MAP3K7: variants seen among roughly 807,000 people sequenced by gnomAD.
MAP3K7 encodes mitogen-activated protein kinase kinase kinase 7.
A neutral mutation model predicts 84.8 loss-of-function variants in MAP3K7; 21 were observed. That is an observed-to-expected ratio of 0.25 (90% CI 0.18 to 0.36). The LOEUF (loss-of-function observed/expected upper bound fraction) is 0.36. Ranked by LOEUF, MAP3K7 falls within the 10% of genes least tolerant of loss-of-function variation. The probability of loss-of-function intolerance (pLI) is 1.00; values close to 1 mark genes in which losing one functional copy is unlikely to be tolerated. For synonymous variants in MAP3K7, 241 were observed against 247.7 expected (o/e 0.97, Z 0.25); for missense variants, 503 against 747.7 (o/e 0.67, Z 3.82).
chr6:90,562,760 C>T (rs529252836), intron 3 of MAP3K7, among the ~76,000 whole-genome samples: 4 of 152,312 alleles, frequency 2.6e-5, no homozygotes, highest in East Asian at 1.9e-4. Context: ...GATCTGAGAA[C>T]GGACAGACTG....
At chr6:90,533,106 C>T (rs983121736) in intron 13 of MAP3K7, among the ~76,000 whole-genome samples, 4 of 152,188 alleles carry the variant, frequency 2.6e-5, no homozygotes, top group African/African-American at 9.7e-5. Flanking sequence ...CTTCACAGGA[C>T]TAAGATCCTG....
chr6:90,541,566 G>GT (rs1775856535), intron 12 of MAP3K7, among the ~76,000 whole-genome samples: 1 of 152,118 alleles, frequency 6.6e-6, no homozygotes, highest in Admixed American at 6.6e-5. Flanking sequence ...CCGTACAAAA[G>GT]TTTGTCAGTT....
At chr6:90,522,445 C>T (rs1019854288) in intron 14 of MAP3K7, among the ~76,000 whole-genome samples, 1 of 152,070 alleles carries the variant, frequency 6.6e-6, no homozygotes, top group Admixed American at 6.6e-5. Flanking sequence ...TACTCCCTTG[C>T]CAGGGGGTTC....
chr6:90,537,347 C>A (rs1377443020), intron 12 of MAP3K7: 2 of 152,000 alleles, frequency 1.3e-5, no homozygotes, highest in Non-Finnish European at 2.9e-5. Flanking sequence ...ATTGTAGTTT[C>A]CCGATTAGTA....
intron 13 of MAP3K7, among the ~76,000 whole-genome samples, chr6:90,525,068 C>A (rs1006053995): frequency 2.0e-5 from 3 of 151,324 alleles, no homozygotes; most frequent in Non-Finnish European, 4.4e-5. Context: ...TTATCAGTAA[C>A]CACAATAAAT....
intron 14 of MAP3K7, among the ~76,000 whole-genome samples, chr6:90,520,163 A>T (rs1424976437): frequency 1.3e-5 from 2 of 152,052 alleles, no homozygotes; most frequent in Non-Finnish European, 2.9e-5. Context: ...TTTCTACTTC[A>T]GAAGTAGTTG....
chr6:90,552,311 T>C (rs1776207758), intron 7 of MAP3K7, 132 bp from the exon 8 acceptor site: 1 of 800,082 alleles, frequency 1.2e-6, no homozygotes. Context: ...TTTGGAGTAA[T>C]AAAAGTGCTT....
chr6:90,539,258 G>A (rs1241492262), intron 12 of MAP3K7, among the ~76,000 whole-genome samples: 1 of 151,880 alleles, frequency 6.6e-6, no homozygotes, highest in Non-Finnish European at 1.5e-5. Flanking sequence ...GCTTAGAGTT[G>A]AATTTTTTAG....
At chr6:90,557,136 T>C (rs910311928) in intron 5 of MAP3K7, among the ~76,000 whole-genome samples, 7 of 152,214 alleles carry the variant, frequency 4.6e-5, no homozygotes, top group African/African-American at 2.4e-5. Context: ...GCTTAGACTA[T>C]GAATGTGTGG....
At chr6:90,549,952 G>GTACAATATT (rs895498797) in intron 9 of MAP3K7, among the ~76,000 whole-genome samples, 1 of 152,100 alleles carries the variant, frequency 6.6e-6, no homozygotes, top group Non-Finnish European at 1.5e-5. Flanking sequence ...ATTTTGAGAA[G>GTACAATATT]TACAATATTT....
At position 90,539,047 on chromosome 6, in the gene MAP3K7, A is replaced by C. The variant is rs951508551; in HGVS notation, c.1292-2646T>G. On this transcript the variant is annotated intron_variant, in intron 12 of 16. Coordinates refer to ENST00000369329, the MANE Select transcript of MAP3K7 (RefSeq NM_145331.3). Reference sequence around the variant, plus strand: ...ATTCTCTTCATGTGTAAAATACCCAAGATTTAAAAAAATGCATAGCATGAT... The same window carrying C: ...ATTCTCTTCATGTGTAAAATACCCACGATTTAAAAAAATGCATAGCATGAT... Among the ~76,000 whole-genome samples the C allele has an allele frequency of 5.9e-5, 9 of 152,066 alleles. 1 individual carries two copies. In the South Asian group the frequency reaches 1.9e-3, roughly 32 times the overall value.
rs1465875241 is a variant in MAP3K7 at position 90,520,363 on chromosome 6, A to G, written c.1463-1044T>C. 4.0e-5 allele frequency among the ~76,000 whole-genome samples: 6 copies of G among 149,478 alleles called. No individual in the cohort carries two copies. In the South Asian group the frequency reaches 1.3e-3, roughly 31 times the overall value. On this transcript the variant is annotated intron_variant, in intron 14 of 16. Transcript: ENST00000369329. Reference sequence around the variant, plus strand: ...TAATCTTCTAATTTATTGTCAACTGATAATCCAGGTGTTTTTTTTTCTTTT... The same window carrying G: ...TAATCTTCTAATTTATTGTCAACTGGTAATCCAGGTGTTTTTTTTTCTTTT...
chr6:90,523,854 T>C, intron 13 of MAP3K7, 71 bp from the exon 14 acceptor site: 1 of 901,128 alleles, frequency 1.1e-6, no homozygotes, highest in South Asian at 1.4e-5. Flanking sequence ...AACGTTTCCA[T>C]TAAAAGGCAA....
chr6:90,563,802 T>C (rs1776605070), intron 3 of MAP3K7, among the ~76,000 whole-genome samples: 1 of 152,174 alleles, frequency 6.6e-6, no homozygotes, highest in Non-Finnish European at 1.5e-5. Context: ...GAAAAAATGT[T>C]AAGGGCAGCC....
intron 13 of MAP3K7, among the ~76,000 whole-genome samples, chr6:90,525,059 T>TA: frequency 6.6e-6 from 1 of 152,128 alleles, no homozygotes; most frequent in Middle Eastern, 3.4e-3. Flanking sequence ...AGAGCAAACT[T>TA]ATCAGTAACC....
chr6:90,557,333 C>T (rs929419593), intron 5 of MAP3K7, among the ~76,000 whole-genome samples: 1 of 152,122 alleles, frequency 6.6e-6, no homozygotes, highest in Non-Finnish European at 1.5e-5. Context: ...ATAATTTGCA[C>T]CATCACATTG....
chr6:90,547,466 T>C (rs1486409739), intron 10 of MAP3K7, 79 bp from the exon 11 acceptor site: 1 of 1,484,004 alleles, frequency 6.7e-7, no homozygotes, highest in Non-Finnish European at 9.2e-7. Flanking sequence ...AGGAGGAAGA[T>C]GGCAAATGGG....
intron 16 of MAP3K7, 93 bp downstream of exon 16, chr6:90,518,354 T>G: frequency 1.4e-6 from 1 of 699,532 alleles, no homozygotes; most frequent in Non-Finnish European, 2.3e-6. Flanking sequence ...ACTTAATGAC[T>G]AATTCTAAAA....
intron 3 of MAP3K7, among the ~76,000 whole-genome samples, chr6:90,567,834 C>A (rs1393375799): frequency 6.6e-6 from 1 of 152,286 alleles, no homozygotes; most frequent in South Asian, 2.1e-4. Context: ...CAATGATAGA[C>A]TGGATTAAGA....
Sources: allele counts gnomAD v4.1 joint callset (sites outside exome capture counted in the v4.1 genomes callset), GRCh38; gene constraint gnomAD v4.1.1; transcripts MANE v1.5; gene names NCBI Gene and HGNC (gene_info 2026-07-23, HGNC 2026-07-21).